TENM4: variants seen among roughly 807,000 people sequenced by gnomAD.
TENM4 encodes the protein teneurin transmembrane protein 4.
Under a neutral mutation model 243.3 loss-of-function variants are expected in TENM4, and 82 were observed. The ratio of observed to expected loss-of-function variants is 0.34; its 90% CI spans 0.28 to 0.40. The LOEUF (loss-of-function observed/expected upper bound fraction) is 0.40. Among genes scored for constraint, TENM4 ranks in the 10% least tolerant of loss-of-function variants. TENM4 has a pLI of 1.00. For missense variants in TENM4, 3,138 were observed against 3,673.3 expected (o/e 0.85, Z 3.77); for synonymous variants, 1,412 against 1,456.3 (o/e 0.97, Z 0.69).
intron 6 of TENM4, among the ~76,000 whole-genome samples, chr11:78,920,274 C>T (rs955890269): frequency 6.6e-6 from 1 of 152,128 alleles, no homozygotes; most frequent in Non-Finnish European, 1.5e-5. Flanking sequence ...ACAGAGGGCA[C>T]AATGACAAAC....
chr11:79,314,621 G>A (rs1856775163), intron 1 of TENM4, among the ~76,000 whole-genome samples: 1 of 152,246 alleles, frequency 6.6e-6, no homozygotes, highest in South Asian at 2.1e-4. Flanking sequence ...GCCAGAGAAA[G>A]TTTGGCTAGT....
At chr11:78,845,051 T>A (rs1858358474) in intron 12 of TENM4, among the ~76,000 whole-genome samples, 1 of 152,168 alleles carries the variant, frequency 6.6e-6, no homozygotes, top group South Asian at 2.1e-4. Flanking sequence ...CCTCACAACC[T>A]CCTTCTACAT....
At chr11:78,752,521 G>A (rs1856213402) in intron 19 of TENM4, among the ~76,000 whole-genome samples, 2 of 152,234 alleles carry the variant, frequency 1.3e-5, no homozygotes, top group Non-Finnish European at 2.9e-5. Context: ...CAGAAATGCT[G>A]TTGGGTTCTG....
At chr11:78,748,646 G>A (rs945761245) in intron 19 of TENM4, among the ~76,000 whole-genome samples, 4 of 152,168 alleles carry the variant, frequency 2.6e-5, no homozygotes, top group Admixed American at 2.6e-4. Flanking sequence ...GCTATTACAA[G>A]CCCTATGACC....
At chr11:79,147,625 G>A (rs1289176036) in intron 4 of TENM4, among the ~76,000 whole-genome samples, 11 of 151,988 alleles carry the variant, frequency 7.2e-5, no homozygotes, top group Non-Finnish European at 1.2e-4. Context: ...CTGGCTAAAG[G>A]TAAGTAGTTC....
intron 3 of TENM4, among the ~76,000 whole-genome samples, chr11:79,164,470 G>GTA (rs1479480725): frequency 1.6e-5 from 2 of 123,708 alleles, no homozygotes; most frequent in African/African-American, 3.4e-5. Flanking sequence ...TATATATAGT[G>GTA]TATATATATA....
intron 9 of TENM4, among the ~76,000 whole-genome samples, chr11:78,881,506 T>C (rs1440612191): frequency 2.6e-5 from 4 of 152,164 alleles, no homozygotes; most frequent in African/African-American, 9.7e-5. Flanking sequence ...CAGGTTCTAG[T>C]AACCCCTCCT....
intron 6 of TENM4, among the ~76,000 whole-genome samples, chr11:78,998,628 C>A (rs11606911): frequency 0.041 from 6,276 of 151,928 alleles, 288 homozygotes; most frequent in East Asian, 0.24. Flanking sequence ...TTGTTCTGTC[C>A]ACCACGCCTT....
chr11:79,039,970 T>C (rs1293710926), intron 6 of TENM4, among the ~76,000 whole-genome samples: 1 of 151,664 alleles, frequency 6.6e-6, no homozygotes, highest in Non-Finnish European at 1.5e-5. Flanking sequence ...AAAATTCACC[T>C]ATTCACTGAA....
At chr11:79,110,667 C>A (rs1861483201) in intron 4 of TENM4, among the ~76,000 whole-genome samples, 1 of 152,142 alleles carries the variant, frequency 6.6e-6, no homozygotes, top group African/African-American at 2.4e-5. Context: ...ACGTGCATGT[C>A]AGGTAAGTTC....
chr11:78,714,720 C>T (rs923828759), intron 25 of TENM4, among the ~76,000 whole-genome samples: 2 of 151,862 alleles, frequency 1.3e-5, no homozygotes, highest in Non-Finnish European at 2.9e-5. Flanking sequence ...TGGCCACAGA[C>T]CTGTCCCTGC....
rs146613119 is a variant in TENM4, at chr11:79,051,912, G to C, written c.493+12826C>G. 3.9e-3 allele frequency among the ~76,000 whole-genome samples: 588 copies of C among 152,294 alleles called. 16 individuals are homozygous for C. Among genetic ancestry groups the C allele is most frequent in the Admixed American group, 0.029 (450 of 15,308 alleles). On this transcript the variant is annotated intron_variant, in intron 6 of 33. Coordinates refer to ENST00000278550, the MANE Select transcript of TENM4 (RefSeq NM_001098816.3). ...TCTGCGTTAGTTTGCTAAGGATGAT[G>C]GCTTCCAGCTCCATCCATGTCCCTG...
intron 29 of TENM4, among the ~76,000 whole-genome samples, chr11:78,686,176 C>T (rs893681327): frequency 5.9e-5 from 9 of 152,080 alleles, no homozygotes; most frequent in African/African-American, 1.4e-4. Flanking sequence ...TTGCTGGGTC[C>T]GATCACATTT....
At chr11:78,689,461 G>A (rs1038490790) in intron 28 of TENM4, among the ~76,000 whole-genome samples, 1 of 150,062 alleles carries the variant, frequency 6.7e-6, no homozygotes, top group Non-Finnish European at 1.5e-5. Context: ...TGTACTTCAG[G>A]TCTCCCTACT....
chr11:78,727,926 A>T (rs768258668), intron 22 of TENM4, among the ~76,000 whole-genome samples: 2 of 152,200 alleles, frequency 1.3e-5, no homozygotes, highest in Non-Finnish European at 2.9e-5. Flanking sequence ...AAGACTGCCG[A>T]CCATTTATGG....
At position 78,661,557 on chromosome 11, in the gene TENM4, C is replaced by T. The variant is rs767972075; in HGVS notation, c.7443G>A (p.Gln2481=). ...VNSWLLTFGF[Q]LHNVIPGYPK... is the part of the protein sequence containing the mutation. The stretch of plus-strand genomic sequence containing the variant: ...GATAACCAGGGATCACGTTGTGTAG[C>T]TGGAATCCAAAGGTGAGCAGCCAGC... The change falls in exon 33 of 34, where the codon CAG becomes CAA. Residue 2481 remains glutamine, a synonymous_variant. Coordinates refer to ENST00000278550, the MANE Select transcript of TENM4 (RefSeq NM_001098816.3). 3.1e-6 allele frequency: 5 copies of T among 1,613,410 alleles called. No homozygotes were observed. The East Asian group carries it at 8.9e-5, about 29-fold the overall frequency.
intron 4 of TENM4, among the ~76,000 whole-genome samples, chr11:79,119,226 G>T (rs942123578): frequency 1.2e-4 from 18 of 152,082 alleles, no homozygotes; most frequent in South Asian, 4.1e-4. Flanking sequence ...CAGGTCTAGA[G>T]AAATAGAATT....
chr11:78,802,602 C>T (rs749353739), intron 15 of TENM4, among the ~76,000 whole-genome samples: 2 of 152,260 alleles, frequency 1.3e-5, no homozygotes, highest in Admixed American at 6.5e-5. Flanking sequence ...TGACTCCCAG[C>T]TTCCTCCCTC....
intron 4 of TENM4, among the ~76,000 whole-genome samples, chr11:79,109,473 C>G (rs1446852405): frequency 1.3e-5 from 2 of 152,068 alleles, no homozygotes; most frequent in Non-Finnish European, 2.9e-5. Flanking sequence ...TTCTAGCAAG[C>G]AGGCCAAGGT....
Sources: gnomAD v4.1 joint callset for allele counts (sites outside exome capture counted in the v4.1 genomes callset) on GRCh38, gnomAD v4.1.1 for gene constraint, MANE v1.5 for transcripts, NCBI Gene and HGNC (gene_info 2026-07-23, HGNC 2026-07-21) for gene names.